ENAH: variants seen among roughly 807,000 people sequenced by gnomAD.
ENAH encodes protein enabled homolog.
ENAH carries 23 observed loss-of-function variants against 78.7 expected under a neutral mutation model. That is an observed-to-expected ratio of 0.29 (90% CI 0.21 to 0.41). The LOEUF is 0.41. Ranked by LOEUF, ENAH falls within the 10% of genes least tolerant of loss-of-function variation. ENAH has a pLI of 1.00. For missense variants in ENAH, 544 were observed against 691.0 expected (o/e 0.79, Z 2.39); for synonymous variants, 226 against 241.0 (o/e 0.94, Z 0.58).
chr1:225,520,630 G>A (rs1250217172), intron 4 of ENAH, among the ~76,000 whole-genome samples: 1 of 152,026 alleles, frequency 6.6e-6, no homozygotes, highest in Non-Finnish European at 1.5e-5. Context: ...GGCTGAGTGG[G>A]AGGATTGTCT....
rs1415863016 is a variant in ENAH, at chr1:225,488,044, CA to C, written c.*9730del. On this transcript the variant is annotated 3_prime_UTR_variant, in exon 14 of 14. Transcript: ENST00000366843. ...GCTGACTCCCCCACCTCTCAAAAAA[CA>C]AACAAACAAACAAACACCACCAAAG... is the stretch of plus-strand genomic sequence containing the variant. The C allele has an allele frequency of 6.6e-6, 1 of 151,582 alleles. No homozygotes were observed. The highest frequency in any genetic ancestry group is 1.5e-5 in the Non-Finnish European group (1 of 67,664). The allele number at this position is 151,582 out of a possible 1,614,324, so 9.4% of individuals were successfully genotyped here.
chr1:225,516,910 T>C (rs910521228), intron 6 of ENAH, among the ~76,000 whole-genome samples: 26 of 150,456 alleles, frequency 1.7e-4, no homozygotes, highest in Non-Finnish European at 3.3e-4. Flanking sequence ...AATAAAGAAA[T>C]GTATTATGAG....
intron 1 of ENAH, among the ~76,000 whole-genome samples, chr1:225,572,139 TGCACAGTGTCAG>T (rs1441547017): frequency 6.6e-6 from 1 of 152,174 alleles, no homozygotes; most frequent in Non-Finnish European, 1.5e-5. Flanking sequence ...ACGTTAACTC[TGCACAGTGTCAG>T]AGTGAACTGA....
At chr1:225,576,349 C>T (rs1017882964) in intron 1 of ENAH, among the ~76,000 whole-genome samples, 14 of 150,696 alleles carry the variant, frequency 9.3e-5, no homozygotes, top group Non-Finnish European at 2.9e-5. Context: ...TATAATTGTA[C>T]TTGTAAGTCT....
Position 225,652,719 on chromosome 1 carries a change from C to A in ENAH, c.-29G>T. 1 of 1,317,044 alleles carries A rather than the reference C, an allele frequency of 7.6e-7. No individual in the cohort carries two copies. 81.6% of individuals were successfully genotyped at this position (1,317,044 alleles called of 1,614,324 possible). ...GCCGGCGGCGCAGAGGCTTCCCCACCAGCCGGGAGACGCAGAAGGCGCCGA... is the reference window on the plus strand; with the variant it reads ...GCCGGCGGCGCAGAGGCTTCCCCACAAGCCGGGAGACGCAGAAGGCGCCGA... On this transcript the variant is annotated 5_prime_UTR_variant, in exon 1 of 14. Coordinates refer to ENST00000366843, the MANE Select transcript of ENAH (RefSeq NM_018212.6).
chr1:225,585,215 CAAAAAAAAAA>C (rs58586397), intron 1 of ENAH, among the ~76,000 whole-genome samples: 8 of 49,932 alleles, frequency 1.6e-4, no homozygotes, highest in Non-Finnish European at 2.0e-4. Flanking sequence ...TACCCTGTCT[CAAAAAAAAAA>C]AAAAAAAAAA....
chr1:225,628,935 G>A (rs977051288), intron 1 of ENAH, among the ~76,000 whole-genome samples: 1 of 151,338 alleles, frequency 6.6e-6, no homozygotes, highest in African/African-American at 2.4e-5. Flanking sequence ...TGGTGCAACT[G>A]TGAACAGATA....
intron 4 of ENAH, among the ~76,000 whole-genome samples, chr1:225,521,315 G>C (rs1036993440): frequency 3.9e-5 from 6 of 151,954 alleles, no homozygotes; most frequent in African/African-American, 1.5e-4. Context: ...TTGATACATG[G>C]TTCCAAATTG....
chr1:225,636,863 A>C (rs1485310112), intron 1 of ENAH, among the ~76,000 whole-genome samples: 2 of 152,194 alleles, frequency 1.3e-5, no homozygotes, highest in Non-Finnish European at 1.5e-5. Context: ...TGTATGACAC[A>C]CCAAAAGAGC....
At chr1:225,613,481 T>A (rs2097003513) in intron 1 of ENAH, among the ~76,000 whole-genome samples, 1 of 152,306 alleles carries the variant, frequency 6.6e-6, no homozygotes, top group Admixed American at 6.5e-5. Flanking sequence ...TTGATTAACT[T>A]GTTCCTTCTA....
At chr1:225,628,347 T>C (rs1558932472) in intron 1 of ENAH, among the ~76,000 whole-genome samples, 2 of 152,178 alleles carry the variant, frequency 1.3e-5, no homozygotes, top group Non-Finnish European at 2.9e-5. Context: ...TGGAAATCCA[T>C]CTTAAGGAAT....
intron 3 of ENAH, among the ~76,000 whole-genome samples, chr1:225,542,962 T>C (rs1027563536): frequency 6.6e-6 from 1 of 150,788 alleles, no homozygotes; most frequent in Non-Finnish European, 1.5e-5. Flanking sequence ...GAGGTTACAG[T>C]GAGTTATGAT....
intron 1 of ENAH, among the ~76,000 whole-genome samples, chr1:225,573,052 G>A (rs568391434): frequency 1.3e-5 from 2 of 152,276 alleles, no homozygotes; most frequent in African/African-American, 4.8e-5. Flanking sequence ...TGATGAGAAC[G>A]CTTGCCAAGT....
chr1:225,515,785 T>C (rs946191315), intron 6 of ENAH, among the ~76,000 whole-genome samples: 3 of 152,166 alleles, frequency 2.0e-5, no homozygotes, highest in Non-Finnish European at 2.9e-5. Context: ...AAAACATCAA[T>C]TGTTAAAAGA....
chr1:225,490,463 C>T lies in ENAH; in HGVS notation c.*7312G>A, dbSNP rs1226943960. 6.6e-6 allele frequency: 1 copy of T among 152,156 alleles called. No individual in the cohort carries two copies. Among genetic ancestry groups the T allele is most frequent in the Non-Finnish European group, 1.5e-5 (1 of 68,078 alleles). The allele number at this position is 152,156 out of a possible 1,614,324, so 9.4% of individuals were successfully genotyped here. On this transcript the variant is annotated 3_prime_UTR_variant, in exon 14 of 14. Coordinates refer to ENST00000366843, the MANE Select transcript of ENAH (RefSeq NM_018212.6). Reference sequence around the variant, plus strand: ...TGGCACGCGCCTGTAGTCCCAGCTACTTGGGAGGCTGAGGCAGGAAAATCC... The same window carrying T: ...TGGCACGCGCCTGTAGTCCCAGCTATTTGGGAGGCTGAGGCAGGAAAATCC...
intron 4 of ENAH, among the ~76,000 whole-genome samples, chr1:225,526,023 C>A (rs781739488): frequency 1.3e-5 from 2 of 152,030 alleles, no homozygotes; most frequent in Non-Finnish European, 2.9e-5. Context: ...TTGTCTATGG[C>A]GAGCTACAAA....
intron 1 of ENAH, among the ~76,000 whole-genome samples, chr1:225,611,615 C>CG (rs2096989746): frequency 6.6e-6 from 1 of 151,890 alleles, no homozygotes; most frequent in Non-Finnish European, 1.5e-5. Context: ...CTACCTTGCC[C>CG]AGACAAAAAA....
chr1:225,616,048 A>AAAACATGTGCTGTGG (rs1330706759), intron 1 of ENAH, among the ~76,000 whole-genome samples: 3 of 152,192 alleles, frequency 2.0e-5, no homozygotes, highest in Non-Finnish European at 4.4e-5. Flanking sequence ...CGAGCTCTCT[A>AAAACATGTGCTGTGG]AAACATGTGC....
chr1:225,506,666 A>T (rs560425110), intron 11 of ENAH, among the ~76,000 whole-genome samples: 244 of 152,300 alleles, frequency 1.6e-3, no homozygotes, highest in Non-Finnish European at 2.9e-3. Context: ...CCTTTCTTCT[A>T]AAGTAAAATA....
Sources: gnomAD v4.1 joint callset for allele counts (sites outside exome capture counted in the v4.1 genomes callset) on GRCh38, gnomAD v4.1.1 for gene constraint, MANE v1.5 for transcripts, NCBI Gene and HGNC (gene_info 2026-07-23, HGNC 2026-07-21) for gene names.